The following EPHA10 variants were observed in gnomAD, a reference collection of about 807,000 sequenced individuals.
EPHA10 encodes the protein ephrin type-A receptor 10.
Under a neutral mutation model 109.7 loss-of-function variants are expected in EPHA10, and 120 were observed. The observed-to-expected ratio is 1.09, with a 90% confidence interval of 0.94 to 1.27. The LOEUF is 1.27. Among genes scored for constraint, EPHA10 ranks in the 50% most tolerant of loss-of-function variants. EPHA10 has a pLI of 0.00. For missense variants in EPHA10, 1,396 were observed against 1,411.1 expected (o/e 0.99, Z 0.17); for synonymous variants, 640 against 618.9 (o/e 1.03, Z -0.51).
At chr1:37,758,298 G>A (rs1018438887) in intron 3 of EPHA10, among the ~76,000 whole-genome samples, 5 of 151,916 alleles carry the variant, frequency 3.3e-5, no homozygotes, top group African/African-American at 7.3e-5. Flanking sequence ...TTGTCCTTCC[G>A]CATACAAACA....
At position 37,724,491 on chromosome 1, in the gene EPHA10, A is replaced by G. The variant is rs149232751; in HGVS notation, c.1773-1119T>C. Among the ~76,000 whole-genome samples the G allele has an allele frequency of 2.7e-3, 406 of 152,252 alleles. 2 individuals are homozygous for G. The highest frequency in any genetic ancestry group is 9.1e-3 in the African/African-American group (377 of 41,528). ...ACTAGGAATAAGTCTGAGAAACCCC[A>G]ACATCTAGGCTAGCGGAAGGAAGCA... is the stretch of plus-strand genomic sequence containing the variant. On this transcript the variant is annotated intron_variant, in intron 8 of 16. Transcript: ENST00000373048.
At chr1:37,761,156 A>C in intron 3 of EPHA10, 1 of 1,364,182 alleles carries the variant, frequency 7.3e-7, no homozygotes, top group Non-Finnish European at 9.4e-7. Flanking sequence ...GGCCTGTGCA[A>C]GGTGCCTAAG....
chr1:37,763,557 C>A (rs1646451245), intron 1 of EPHA10, among the ~76,000 whole-genome samples: 1 of 152,084 alleles, frequency 6.6e-6, no homozygotes, highest in South Asian at 2.1e-4. Context: ...CAGCCTTCTA[C>A]AGGGTCCATG....
chr1:37,738,308 A>C (rs1330605682), intron 5 of EPHA10, among the ~76,000 whole-genome samples: 1 of 152,148 alleles, frequency 6.6e-6, no homozygotes, highest in East Asian at 1.9e-4. Context: ...CAGAGGTTGC[A>C]GTGAGCTGAG....
intron 5 of EPHA10, among the ~76,000 whole-genome samples, chr1:37,747,796 A>G (rs1436858956): frequency 2.6e-5 from 4 of 151,998 alleles, no homozygotes; most frequent in Non-Finnish European, 5.9e-5. Flanking sequence ...AAATCATAAA[A>G]TAAGTGACGA....
intron 5 of EPHA10, among the ~76,000 whole-genome samples, chr1:37,751,036 T>C (rs1409693742): frequency 2.7e-5 from 4 of 150,604 alleles, no homozygotes; most frequent in Non-Finnish European, 5.9e-5. Flanking sequence ...AAACCCTGTC[T>C]CTACTAAAAA....
chr1:37,762,711 A>G (rs1646443820), intron 2 of EPHA10, 74 bp downstream of exon 2: 1 of 1,358,602 alleles, frequency 7.4e-7, no homozygotes, highest in Non-Finnish European at 9.9e-7. Flanking sequence ...TGATGTAAAC[A>G]TGAGGAGCTG....
intron 8 of EPHA10, among the ~76,000 whole-genome samples, chr1:37,725,550 T>TTCTAGGAG (rs1432716835): frequency 6.2e-5 from 9 of 145,914 alleles, no homozygotes; most frequent in African/African-American, 2.3e-4. Flanking sequence ...AGGTGAAGCA[T>TTCTAGGAG]TCTAGGAGGA....
At chr1:37,763,936 T>C (rs760694020) in intron 1 of EPHA10, among the ~76,000 whole-genome samples, 4 of 152,202 alleles carry the variant, frequency 2.6e-5, no homozygotes, top group Non-Finnish European at 5.9e-5. Context: ...GGGGTTCTTT[T>C]ATGTATACAT....
At position 37,754,079 on chromosome 1, in the gene EPHA10, G is replaced by A. The variant is rs1041178477; in HGVS notation, c.1006+136C>T. On this transcript the variant is annotated intron_variant, in intron 4 of 16. Transcript: ENST00000373048. The surrounding 1 kb of genome is among the most constrained non-coding windows in gnomAD (Gnocchi z 4.5). The stretch of plus-strand genomic sequence containing the variant: ...TCCGCTCCCCCGTACGCCGCCTTCC[G>A]GGGCGCTGGCCCCCATATCCGCCCA... The A allele has an allele frequency of 7.8e-6, 8 of 1,027,596 alleles. No homozygotes were observed. The highest frequency in any genetic ancestry group is 8.8e-6 in the Non-Finnish European group (7 of 799,718). 63.7% of individuals were successfully genotyped at this position (1,027,596 alleles called of 1,614,324 possible). A position where few individuals can be genotyped will look rare whatever the true frequency, so the allele number is the denominator to read the frequency against.
chr1:37,761,504 GGCT>G lies in EPHA10; in HGVS notation c.748_750del (p.Ser250del), dbSNP rs775835534. The G allele has an allele frequency of 6.3e-7, 1 of 1,599,614 alleles. No homozygotes were observed. Among genetic ancestry groups the G allele is most frequent in the Non-Finnish European group, 8.5e-7 (1 of 1,178,480 alleles). ...TCGGCGCCGCAGTGCATGCGTGGGG[GGCT>G]GCCAGGCTCCCCTTCCGAGTGCGCC... is the stretch of plus-strand genomic sequence containing the variant. On this transcript the variant is annotated inframe_deletion, in exon 3 of 17. Transcript: ENST00000373048.
At chr1:37,742,901 G>A (rs112695914) in intron 5 of EPHA10, among the ~76,000 whole-genome samples, 26,102 of 151,980 alleles carry the variant, frequency 0.17, 2,444 homozygotes, top group South Asian at 0.23. Flanking sequence ...AGGCTCAGGC[G>A]GGAGGATCAC....
At chr1:37,751,225 AGAAAG>A (rs1646319883) in intron 5 of EPHA10, among the ~76,000 whole-genome samples, 1 of 103,462 alleles carries the variant, frequency 9.7e-6, no homozygotes, top group Non-Finnish European at 2.1e-5. Context: ...AAAGAAAGAA[AGAAAG>A]AAAAAGAAAA....
chr1:37,727,004 G>C (rs1036230118), intron 8 of EPHA10, 98 bp downstream of exon 8: 69 of 901,830 alleles, frequency 7.7e-5, no homozygotes, highest in South Asian at 7.5e-5. Flanking sequence ...GTGCAAATCT[G>C]CGTGTGTGCA....
chr1:37,751,729 T>C (rs1041241632), intron 5 of EPHA10, among the ~76,000 whole-genome samples: 2 of 151,192 alleles, frequency 1.3e-5, no homozygotes, highest in African/African-American at 4.9e-5. Context: ...AAAAATTAGC[T>C]GGGCGTGGTG....
chr1:37,761,825 G>A lies in EPHA10; in HGVS notation c.430C>T (p.Leu144=). ...EADLGRGRPR[L]GGSRPRKIDT... is the part of the protein sequence containing the mutation. ...ATTTTGCGGGGCCGGCTGCCGCCTA[G>A]GCGGGGACGCCCACGGCCCAGGTCG... Residue 144 remains leucine, a synonymous_variant, in exon 3 of 17, where the codon CTA becomes TTA. Transcript: ENST00000373048. 1 of 1,613,524 alleles carries A rather than the reference G, an allele frequency of 6.2e-7. No homozygotes were observed. Among genetic ancestry groups the A allele is most frequent in the African/African-American group, 1.3e-5 (1 of 75,030 alleles).
intron 5 of EPHA10, among the ~76,000 whole-genome samples, chr1:37,745,009 G>C (rs1043856175): frequency 6.6e-6 from 1 of 152,230 alleles, no homozygotes; most frequent in African/African-American, 2.4e-5. Flanking sequence ...CATGTGACTA[G>C]AGTGATGCGT....
chr1:37,751,201 C>CAAAAAAAAAAAAAAAAA (rs1320111085), intron 5 of EPHA10, among the ~76,000 whole-genome samples: 1 of 46,128 alleles, frequency 2.2e-5, no homozygotes. Context: ...AGACTCCTCT[C>CAAAAAAAAAAAAAAAAA]AAAAAAAAAA....
In EPHA10 at chr1:37,723,181, G is replaced by A. The variant is rs765378316; in HGVS notation, c.1835-15C>T. On this transcript the variant is annotated splice_polypyrimidine_tract_variant and intron_variant, in intron 9 of 16. Coordinates refer to ENST00000373048, the MANE Select transcript of EPHA10 (RefSeq NM_001099439.2). ...TGGGACTTTGACTGGGAGAGAAAGA[G>A]ATGAGCCTGAGGAATGGGGCCTCCA... is the stretch of plus-strand genomic sequence containing the variant. 18 of 1,610,696 alleles carry A rather than the reference G, an allele frequency of 1.1e-5. No homozygotes were observed. The African/African-American group carries it at 1.6e-4, about 14-fold the overall frequency.
Sources: allele counts gnomAD v4.1 joint callset (sites outside exome capture counted in the v4.1 genomes callset), GRCh38; gene constraint gnomAD v4.1.1; non-coding constraint Gnocchi (gnomAD v3.1); transcripts MANE v1.5; gene names NCBI Gene and HGNC (gene_info 2026-07-23, HGNC 2026-07-21).